Variants in PCDH9 observed in about 807,000 individuals in gnomAD.
PCDH9 encodes the protein protocadherin-9.
In PCDH9, 24 loss-of-function variants were observed where a neutral mutation model predicts 70.6. That is an observed-to-expected ratio of 0.34 (90% confidence interval 0.25 to 0.48). PCDH9 has a LOEUF of 0.48. Among genes scored for constraint, PCDH9 ranks in the 20% least tolerant of loss-of-function variants. PCDH9 has a pLI of 0.99. For synonymous variants in PCDH9, 562 were observed against 558.5 expected, an observed-to-expected ratio of 1.01 and a Z score of -0.09; for missense variants, 1,281 against 1,503.6, an observed-to-expected ratio of 0.85 and a Z score of 2.45.
At position 66,999,759 on chromosome 13, in the gene PCDH9, A is replaced by C. The variant is rs1201832046; in HGVS notation, c.3037-96154T>G. On this transcript the variant is annotated intron_variant, in intron 2 of 4. Coordinates refer to ENST00000377865, the MANE Select transcript of PCDH9 (RefSeq NM_203487.3). ...GCTCACCATCACTGGCCATCAGAGA[A>C]ATGCAAATCAAAACCACAATGAGAT... 3.4e-4 allele frequency among the ~76,000 whole-genome samples: 51 copies of C among 152,136 alleles called. 1 individual carries two copies. The highest frequency in any genetic ancestry group is 4.1e-4 in the Non-Finnish European group (28 of 68,012).
At chr13:66,503,289 T>C (rs1768159290) in intron 4 of PCDH9, among the ~76,000 whole-genome samples, 1 of 152,176 alleles carries the variant, frequency 6.6e-6, no homozygotes, top group Admixed American at 6.5e-5. Flanking sequence ...TAAGGCATTG[T>C]TTGGCAAAAT....
intron 4 of PCDH9, among the ~76,000 whole-genome samples, chr13:66,555,671 T>A (rs1961703447): frequency 1.0e-5 from 1 of 95,768 alleles, no homozygotes; most frequent in African/African-American, 3.4e-5. Context: ...TAGCCTCTAT[T>A]ATCTAAGACA....
chr13:66,804,763 G>A (rs2080385268), intron 3 of PCDH9, among the ~76,000 whole-genome samples: 1 of 152,102 alleles, frequency 6.6e-6, no homozygotes, highest in Non-Finnish European at 1.5e-5. Flanking sequence ...ACATTTTCAA[G>A]AAGAGTAAGA....
intron 3 of PCDH9, among the ~76,000 whole-genome samples, chr13:66,806,325 GGT>G (rs2080409646): frequency 6.6e-6 from 1 of 152,016 alleles, no homozygotes; most frequent in Non-Finnish European, 1.5e-5. Context: ...AGCCCCAGGT[GGT>G]ATAATCTAAT....
chr13:66,518,290 C>T (rs573616927), intron 4 of PCDH9, among the ~76,000 whole-genome samples: 188 of 152,118 alleles, frequency 1.2e-3, no homozygotes, highest in Admixed American at 2.2e-3. Context: ...ATGAAGGATC[C>T]GCCCCCATGA....
intron 4 of PCDH9, among the ~76,000 whole-genome samples, chr13:66,539,557 G>A (rs1400166635): frequency 6.6e-6 from 1 of 152,028 alleles, no homozygotes; most frequent in Non-Finnish European, 1.5e-5. Context: ...CAATCATAGA[G>A]CTCAGACATG....
intron 2 of PCDH9, among the ~76,000 whole-genome samples, chr13:67,105,701 T>C (rs895457016): frequency 2.0e-5 from 3 of 152,024 alleles, no homozygotes; most frequent in African/African-American, 7.2e-5. Context: ...TCTTTGGCAA[T>C]TAAATTTATA....
At chr13:66,523,818 T>C (rs545140143) in intron 4 of PCDH9, among the ~76,000 whole-genome samples, 3 of 152,194 alleles carry the variant, frequency 2.0e-5, no homozygotes, top group Admixed American at 6.6e-5. Context: ...ACTTGCATTA[T>C]TGAAAACAAT....
intron 2 of PCDH9, chr13:67,219,754 T>G (rs1431056341): frequency 6.6e-6 from 1 of 152,008 alleles, no homozygotes; most frequent in Non-Finnish European, 1.5e-5. Flanking sequence ...AGGCCAAACC[T>G]TTAAAAATCT....
intron 3 of PCDH9, among the ~76,000 whole-genome samples, chr13:66,899,039 TCTC>T (rs2082232374): frequency 6.6e-6 from 1 of 151,964 alleles, no homozygotes; most frequent in African/African-American, 2.4e-5. Context: ...ACATGGGAGT[TCTC>T]CTCTCACGCA....
chr13:66,539,433 A>C (rs1960849624), intron 4 of PCDH9, among the ~76,000 whole-genome samples: 1 of 152,028 alleles, frequency 6.6e-6, no homozygotes, highest in Non-Finnish European at 1.5e-5. Context: ...TTCTCATGAG[A>C]TCTGATGGTT....
chr13:67,131,910 A>C (rs1022554449), intron 2 of PCDH9, among the ~76,000 whole-genome samples: 1 of 152,132 alleles, frequency 6.6e-6, no homozygotes, highest in Admixed American at 6.6e-5. Context: ...CCTTGTTCTG[A>C]TCATAGAAGA....
chr13:66,545,349 G>T (rs571275897), intron 4 of PCDH9, among the ~76,000 whole-genome samples: 1 of 152,144 alleles, frequency 6.6e-6, no homozygotes, highest in Admixed American at 6.5e-5. Context: ...CTATTAAATA[G>T]ATTCAAAATA....
intron 3 of PCDH9, among the ~76,000 whole-genome samples, chr13:66,854,333 G>A (rs947042214): frequency 2.0e-5 from 3 of 152,028 alleles, no homozygotes; most frequent in Non-Finnish European, 4.4e-5. Context: ...AAATGCTTTC[G>A]TTATTATTTT....
chr13:67,177,987 C>A (rs1311738053), intron 2 of PCDH9, among the ~76,000 whole-genome samples: 1 of 152,072 alleles, frequency 6.6e-6, no homozygotes, highest in Non-Finnish European at 1.5e-5. Context: ...TAAGGGAAAG[C>A]AATACCTGCC....
Position 67,227,821 on chromosome 13 carries a change from T to G in PCDH9, c.620A>C (p.Gln207Pro). 1 of 1,614,144 alleles carries G rather than the reference T, an allele frequency of 6.2e-7. No individual in the cohort carries two copies. Among genetic ancestry groups the G allele is most frequent in the Non-Finnish European group, 8.5e-7 (1 of 1,179,980 alleles). ...EGEKWPQLIV[Q>P]QNLDREQKDT... ...TTTCTGTTCTCTATCCAAGTTTTGCTGAACAATCAGTTGTGGCCACTTCTC... is the reference window on the plus strand; with the variant it reads ...TTTCTGTTCTCTATCCAAGTTTTGCGGAACAATCAGTTGTGGCCACTTCTC... Residue 207 changes from glutamine to proline, a missense_variant, in exon 2 of 5, where the codon CAG becomes CCG. Coordinates refer to ENST00000377865, the MANE Select transcript of PCDH9 (RefSeq NM_203487.3). This position sits in a 1 kb window ranked among gnomAD's most constrained non-coding sequence, Gnocchi z 4.6.
chr13:66,371,591 C>CA (rs1956654436), intron 4 of PCDH9, among the ~76,000 whole-genome samples: 1 of 151,910 alleles, frequency 6.6e-6, no homozygotes, highest in Admixed American at 6.6e-5. Context: ...CTAACTACAA[C>CA]AAAACTCCTT....
intron 3 of PCDH9, among the ~76,000 whole-genome samples, chr13:66,728,071 T>C (rs565762047): frequency 7.2e-5 from 11 of 152,266 alleles, no homozygotes; most frequent in Middle Eastern, 6.8e-3. Flanking sequence ...TCCAGAGTAA[T>C]AAAAAATAAA....
chr13:66,503,868 A>G (rs1172548950), intron 4 of PCDH9, among the ~76,000 whole-genome samples: 2 of 152,194 alleles, frequency 1.3e-5, no homozygotes, highest in African/African-American at 4.8e-5. Flanking sequence ...TCATGAATAT[A>G]TATAAGATCC....
Sources: allele counts gnomAD v4.1 joint callset (sites outside exome capture counted in the v4.1 genomes callset), GRCh38; gene constraint gnomAD v4.1.1; non-coding constraint Gnocchi (gnomAD v3.1); transcripts MANE v1.5; gene names NCBI Gene and HGNC (gene_info 2026-07-23, HGNC 2026-07-21).